KCNK2: variants seen among roughly 807,000 people sequenced by gnomAD.
KCNK2 encodes the protein potassium channel subfamily K member 2.
A neutral mutation model predicts 40.5 loss-of-function variants in KCNK2; 21 were observed. The ratio of observed to expected loss-of-function variants is 0.52; its 90% CI spans 0.37 to 0.75. The LOEUF is 0.75. Ranked by LOEUF, KCNK2 falls within the 30% of genes least tolerant of loss-of-function variation. KCNK2 has a pLI of 0.00. For missense variants in KCNK2, 399 were observed against 531.6 expected, an observed-to-expected ratio of 0.75 and a Z score of 2.45; for synonymous variants, 191 against 202.2, an observed-to-expected ratio of 0.94 and a Z score of 0.47.
At chr1:215,069,237 C>T (rs1019506460) in intron 1 of KCNK2, among the ~76,000 whole-genome samples, 2 of 152,152 alleles carry the variant, frequency 1.3e-5, no homozygotes, top group Non-Finnish European at 2.9e-5. Context: ...CACCTATCTG[C>T]GCTTTGTTGG....
intron 6 of KCNK2, among the ~76,000 whole-genome samples, chr1:215,212,472 G>A (rs1259559449): frequency 6.6e-6 from 1 of 152,126 alleles, no homozygotes; most frequent in Non-Finnish European, 1.5e-5. Context: ...AATGCAGGCA[G>A]GAAGGGCTAT....
intron 1 of KCNK2, among the ~76,000 whole-genome samples, chr1:215,038,180 C>T (rs1376235188): frequency 6.6e-6 from 1 of 152,026 alleles, no homozygotes; most frequent in African/African-American, 2.4e-5. Flanking sequence ...TCATTAGGAA[C>T]ATTGTAGACT....
At chr1:215,211,009 C>T (rs1665722244) in intron 6 of KCNK2, among the ~76,000 whole-genome samples, 1 of 152,144 alleles carries the variant, frequency 6.6e-6, no homozygotes, top group African/African-American at 2.4e-5. Context: ...TCCTAGCTTT[C>T]ACCTTTGCTT....
chr1:215,098,453 C>T (rs996994150), intron 2 of KCNK2, among the ~76,000 whole-genome samples: 6 of 151,826 alleles, frequency 4.0e-5, no homozygotes, highest in Non-Finnish European at 8.8e-5. Context: ...AGCTTCAACT[C>T]TCATTTATGT....
intron 3 of KCNK2, among the ~76,000 whole-genome samples, chr1:215,158,984 T>A (rs1663070183): frequency 6.6e-6 from 1 of 152,190 alleles, no homozygotes; most frequent in South Asian, 2.1e-4. Context: ...TATTCTTGGA[T>A]CATGTACAGA....
chr1:215,060,475 A>T (rs1254841389), intron 1 of KCNK2, among the ~76,000 whole-genome samples: 1 of 152,190 alleles, frequency 6.6e-6, no homozygotes. Context: ...ATGTTCCCAA[A>T]GGACTGAGTA....
intron 6 of KCNK2, among the ~76,000 whole-genome samples, chr1:215,213,690 G>A (rs547400930): frequency 2.2e-4 from 33 of 152,138 alleles, no homozygotes; most frequent in Non-Finnish European, 4.3e-4. Flanking sequence ...TAAATGAATA[G>A]TAATTAGCTA....
chr1:215,105,868 A>C (rs1234282209), intron 2 of KCNK2, among the ~76,000 whole-genome samples: 1 of 152,082 alleles, frequency 6.6e-6, no homozygotes, highest in Non-Finnish European at 1.5e-5. Flanking sequence ...TTTCTGCATT[A>C]GTTTACTGAG....
chr1:215,014,099 G>T (rs1656500499), intron 1 of KCNK2, among the ~76,000 whole-genome samples: 1 of 152,030 alleles, frequency 6.6e-6, no homozygotes, highest in Non-Finnish European at 1.5e-5. Flanking sequence ...TTCTTAGTTT[G>T]CTGAGAGTGT....
rs530063882 is a variant in KCNK2, at chr1:215,074,233, A to G, written c.35-12135A>G. Among the ~76,000 whole-genome samples the G allele has an allele frequency of 3.3e-5, 5 of 152,318 alleles. No individual in the cohort carries two copies. In the East Asian group the frequency reaches 7.7e-4, roughly 24 times the overall value. ...GGTGATGCATGGATTTTCAATCTCA[A>G]TCCTTCCATAAACTTAACAAGTGGT... On this transcript the variant is annotated intron_variant, in intron 1 of 6. Coordinates refer to the KCNK2 transcript ENST00000391895.
intron 2 of KCNK2, among the ~76,000 whole-genome samples, chr1:215,089,415 G>A (rs1351837587): frequency 1.3e-5 from 2 of 152,158 alleles, no homozygotes; most frequent in African/African-American, 2.4e-5. Flanking sequence ...TGAGGACAGA[G>A]GAGGAAGTGA....
intron 2 of KCNK2, among the ~76,000 whole-genome samples, chr1:215,105,509 A>G (rs1356852569): frequency 6.6e-6 from 1 of 152,122 alleles, no homozygotes; most frequent in Non-Finnish European, 1.5e-5. Flanking sequence ...GGCTAGTGTG[A>G]ATAATGCTGC....
chr1:215,086,780 G>A, intron 2 of KCNK2, 102 bp downstream of exon 2: 1 of 1,050,118 alleles, frequency 9.5e-7, no homozygotes, highest in African/African-American at 1.6e-5. Flanking sequence ...GTGCTGGTGG[G>A]AGCCCTATCC....
At chr1:215,170,802 T>G (rs1204032447) in intron 4 of KCNK2, among the ~76,000 whole-genome samples, 1 of 152,196 alleles carries the variant, frequency 6.6e-6, no homozygotes, top group Admixed American at 6.6e-5. Context: ...AATGTTGAAT[T>G]CTTCGTTCAT....
chr1:215,130,960 A>G (rs1021734459), intron 3 of KCNK2, among the ~76,000 whole-genome samples: 10 of 151,654 alleles, frequency 6.6e-5, no homozygotes, highest in Non-Finnish European at 1.5e-4. Flanking sequence ...TCCCAGGTTC[A>G]CGCCATTCTC....
intron 1 of KCNK2, among the ~76,000 whole-genome samples, chr1:215,055,878 G>A (rs1407139651): frequency 6.6e-6 from 1 of 152,218 alleles, no homozygotes; most frequent in Non-Finnish European, 1.5e-5. Context: ...CTTCCCTTGT[G>A]GCACAGAAAA....
chr1:215,171,972 A>C, intron 4 of KCNK2, 25 bp from the exon 5 acceptor site: 1 of 1,543,314 alleles, frequency 6.5e-7, no homozygotes, highest in Admixed American at 1.7e-5. Context: ...ATATATATAC[A>C]CACACCTTTC....
chr1:215,135,923 C>T (rs1304450997), intron 3 of KCNK2, among the ~76,000 whole-genome samples: 13 of 151,744 alleles, frequency 8.6e-5, no homozygotes, highest in African/African-American at 2.4e-4. Context: ...TTAGTAGAGA[C>T]GGGGTTTCAC....
chr1:215,157,873 T>C (rs943983837), intron 3 of KCNK2, among the ~76,000 whole-genome samples: 2 of 152,174 alleles, frequency 1.3e-5, no homozygotes, highest in African/African-American at 4.8e-5. Context: ...GGTACATCTG[T>C]GGAGGGAAGT....
Sources: allele counts gnomAD v4.1 joint callset (sites outside exome capture counted in the v4.1 genomes callset), GRCh38; gene constraint gnomAD v4.1.1; transcripts MANE v1.5; gene names NCBI Gene and HGNC (gene_info 2026-07-23, HGNC 2026-07-21).